Variants in DYTN observed in about 807,000 individuals in gnomAD.
DYTN encodes the protein dystrotelin.
In DYTN, 75 loss-of-function variants were observed where a neutral mutation model predicts 69.6. The ratio of observed to expected loss-of-function variants is 1.08; its 90% CI spans 0.89 to 1.31. The LOEUF (loss-of-function observed/expected upper bound fraction) is 1.31. Ranked by LOEUF, DYTN falls within the 50% of genes most tolerant of loss-of-function variation. DYTN has a pLI of 0.00. For missense variants in DYTN, 726 were observed against 688.4 expected, an observed-to-expected ratio of 1.05 and a Z score of -0.61; for synonymous variants, 252 against 249.1, an observed-to-expected ratio of 1.01 and a Z score of -0.11.
At chr2:206,678,060 C>G (rs777541489) in intron 9 of DYTN, among the ~76,000 whole-genome samples, 1 of 151,196 alleles carries the variant, frequency 6.6e-6, no homozygotes, top group Non-Finnish European at 1.5e-5. Context: ...ATCAATAAGA[C>G]TAAAAGGAAA....
intron 11 of DYTN, among the ~76,000 whole-genome samples, chr2:206,657,825 G>A (rs1464850872): frequency 2.0e-5 from 3 of 152,142 alleles, no homozygotes; most frequent in Admixed American, 6.5e-5. Flanking sequence ...TGGTTATAAT[G>A]TGTCTCAGTG....
chr2:206,667,410 C>A (rs10932159), intron 9 of DYTN, among the ~76,000 whole-genome samples: 20,388 of 152,106 alleles, frequency 0.13, 1,433 homozygotes, highest in East Asian at 0.17. Context: ...TCTTTGCTCT[C>A]AAGGCGCCTT....
At chr2:206,692,250 G>A (rs553895971) in intron 9 of DYTN, among the ~76,000 whole-genome samples, 1 of 149,220 alleles carries the variant, frequency 6.7e-6, no homozygotes, top group South Asian at 2.1e-4. Context: ...GGGCGACAGA[G>A]TGAGATCTTG....
chr2:206,668,816 T>A (rs1278752425), intron 9 of DYTN, among the ~76,000 whole-genome samples: 1 of 151,574 alleles, frequency 6.6e-6, no homozygotes, highest in Non-Finnish European at 1.5e-5. Context: ...AGGGCAGTTT[T>A]CCCCATGCTG....
intron 11 of DYTN, among the ~76,000 whole-genome samples, chr2:206,660,276 G>A (rs1018442987): frequency 6.6e-6 from 1 of 152,244 alleles, no homozygotes; most frequent in Admixed American, 6.5e-5. Flanking sequence ...AGTGATGCAT[G>A]TATATTTATA....
chr2:206,693,250 T>C lies in DYTN; in HGVS notation c.905A>G (p.Lys302Arg). Reference protein sequence around the residue: ...RNNLLQGRCRKKEAARRQQLL... With the variant: ...RNNLLQGRCRRKEAARRQQLL... ...CTGCTGCCTTCTCGCTGCTTCTTTCTTCCTACAGCGCCCCTGAAGAAGGTT... is the reference window on the plus strand; with the variant it reads ...CTGCTGCCTTCTCGCTGCTTCTTTCCTCCTACAGCGCCCCTGAAGAAGGTT... Residue 302 changes from lysine to arginine, a missense_variant, in exon 9 of 12, where the codon AAG becomes AGG. Transcript: ENST00000452335. 6.2e-7 allele frequency: 1 copy of C among 1,613,718 alleles called. No homozygotes were observed. Among genetic ancestry groups the C allele is most frequent in the Non-Finnish European group, 8.5e-7 (1 of 1,179,870 alleles).
chr2:206,667,730 G>GTGTT (rs993061113), intron 9 of DYTN, among the ~76,000 whole-genome samples: 307 of 150,244 alleles, frequency 2.0e-3, no homozygotes, highest in African/African-American at 6.9e-3. Context: ...GTGTGTGTGT[G>GTGTT]TTGACATGTC....
rs372808587 is a variant in DYTN at position 206,679,418 on chromosome 2, T to A, written c.981-13389A>T. 3.2e-4 allele frequency among the ~76,000 whole-genome samples: 48 copies of A among 152,288 alleles called. No homozygotes were observed. In the East Asian group the frequency reaches 6.6e-3, roughly 21 times the overall value. ...CTCCTTGACAATCTAGACATGAGAA[T>A]GCAAAGAATTCAGGGGTGACAGCAG... On this transcript the variant is annotated intron_variant, in intron 9 of 11. Coordinates refer to ENST00000452335, the MANE Select transcript of DYTN (RefSeq NM_001093730.1).
At chr2:206,712,625 G>C (rs1476863316) in intron 1 of DYTN, among the ~76,000 whole-genome samples, 1 of 152,140 alleles carries the variant, frequency 6.6e-6, no homozygotes, top group African/African-American at 2.4e-5. Context: ...GGGGATCCAG[G>C]TAGTATATGA....
chr2:206,663,932 T>A (rs1245028822), intron 10 of DYTN, among the ~76,000 whole-genome samples: 1 of 152,142 alleles, frequency 6.6e-6, no homozygotes, highest in Non-Finnish European at 1.5e-5. Context: ...TACTTAGATG[T>A]TATTTGTTTA....
intron 4 of DYTN, among the ~76,000 whole-genome samples, 173 bp downstream of exon 4, chr2:206,705,615 G>A (rs533362496): frequency 9.2e-5 from 14 of 152,312 alleles, no homozygotes; most frequent in Middle Eastern, 3.4e-3. Context: ...TAATTAGGAA[G>A]TGTAAATTTT....
chr2:206,659,709 G>T (rs115718978), intron 11 of DYTN, among the ~76,000 whole-genome samples: 1 of 151,974 alleles, frequency 6.6e-6, no homozygotes, highest in Non-Finnish European at 1.5e-5. Flanking sequence ...ATTATAAAGC[G>T]TATTTTAGTA....
chr2:206,671,544 A>G (rs570121259), intron 9 of DYTN, among the ~76,000 whole-genome samples: 2 of 152,192 alleles, frequency 1.3e-5, no homozygotes, highest in African/African-American at 4.8e-5. Context: ...GCAGAATATC[A>G]TGGCTTTGTA....
intron 3 of DYTN, 38 bp downstream of exon 3, chr2:206,707,264 T>G (rs1388899594): frequency 6.3e-7 from 1 of 1,587,736 alleles, no homozygotes; most frequent in South Asian, 1.2e-5. Context: ...AAACTAAACT[T>G]TGCCTTTGAG....
Position 206,699,814 on chromosome 2 carries a change from G to A in DYTN, c.632C>T (p.Pro211Leu), listed in dbSNP as rs200283597. The change falls in exon 7 of 12, where the codon CCG becomes CTG. Residue 211 changes from proline (P) to leucine (L), a missense_variant. Coordinates refer to ENST00000452335, the MANE Select transcript of DYTN (RefSeq NM_001093730.1). ...QSEPPILLWL[P>L]TCHRLSAAER... ...AGCAGCTGATAACCGGTGGCAGGTC[G>A]GGAGCCACAGGAGGATGGGAGGCTC... is the stretch of plus-strand genomic sequence containing the variant. 1.8e-4 allele frequency: 296 copies of A among 1,613,820 alleles called. No individual in the cohort carries two copies. The highest frequency in any genetic ancestry group is 1.6e-3 in the South Asian group (148 of 91,074).
In DYTN at chr2:206,705,836, C is replaced by A; in HGVS notation, c.334G>T (p.Ala112Ser). The change falls in exon 4 of 12, where the codon GCT (alanine) becomes TCT (serine). Residue 112 changes from alanine (A) to serine (S), a missense_variant. Ala to Ser is a moderately conservative substitution (Grantham distance 99, BLOSUM62 1). Coordinates refer to ENST00000452335, the MANE Select transcript of DYTN (RefSeq NM_001093730.1). ...TCTCCTGAGAGGGTTATTAGGGCAG[C>A]GGCCGCAGGCATAAGCTGGAGAAAA... The part of the protein sequence containing the change: ...TGFLQLMPAA[A>S]ALITLSGDSP... 1.2e-6 allele frequency: 2 copies of A among 1,613,836 alleles called. No individual in the cohort carries two copies. Among genetic ancestry groups the A allele is most frequent in the South Asian group, 2.2e-5 (2 of 91,052 alleles).
chr2:206,706,345 C>T (rs773690772), intron 3 of DYTN, among the ~76,000 whole-genome samples: 2 of 152,042 alleles, frequency 1.3e-5, no homozygotes, highest in East Asian at 1.9e-4. Context: ...AGTTTACAAA[C>T]GTACTGAACA....
intron 9 of DYTN, among the ~76,000 whole-genome samples, chr2:206,678,769 A>G (rs1387157940): frequency 1.3e-5 from 2 of 152,148 alleles, no homozygotes; most frequent in Non-Finnish European, 2.9e-5. Context: ...GTAATAGCGG[A>G]TTATTTGCCA....
intron 7 of DYTN, 58 bp from the exon 8 acceptor site, chr2:206,694,935 A>AG: frequency 7.6e-7 from 1 of 1,316,744 alleles, no homozygotes; most frequent in Non-Finnish European, 1.0e-6. Flanking sequence ...AAAAAAAAAA[A>AG]AAAGAATATC....
Sources: allele counts gnomAD v4.1 joint callset (sites outside exome capture counted in the v4.1 genomes callset), GRCh38; gene constraint gnomAD v4.1.1; transcripts MANE v1.5; gene names NCBI Gene and HGNC (gene_info 2026-07-23, HGNC 2026-07-21).